DHRS7B: variants seen among roughly 807,000 people sequenced by gnomAD.
The protein encoded by DHRS7B is dehydrogenase/reductase 7B, also known as peroxisomal reductase activating PPAR-gamma.
In DHRS7B, 24 loss-of-function variants were observed where a neutral mutation model predicts 26.4. That is an observed-to-expected ratio of 0.91 (90% CI 0.66 to 1.28). The LOEUF (loss-of-function observed/expected upper bound fraction) is 1.28. Ranked by LOEUF, DHRS7B falls within the 50% of genes most tolerant of loss-of-function variation. DHRS7B has a pLI of 0.00. For missense variants in DHRS7B, 368 were observed against 419.4 expected (o/e 0.88, Z 1.07); for synonymous variants, 142 against 166.4 (o/e 0.85, Z 1.13).
intron 5 of DHRS7B, among the ~76,000 whole-genome samples, chr17:21,187,744 G>A (rs1040564006): frequency 4.0e-5 from 6 of 151,766 alleles, no homozygotes; most frequent in African/African-American, 1.5e-4. Context: ...AAGACAGGAG[G>A]ACTTTCTTTT....
chr17:21,140,538 A>ACACACCCC (rs972677956), intron 1 of DHRS7B, among the ~76,000 whole-genome samples: 8 of 134,852 alleles, frequency 5.9e-5, no homozygotes, highest in Middle Eastern at 4.0e-3. Context: ...ACACACACAC[A>ACACACCCC]CCCTGACACC....
At chr17:21,142,142 C>A (rs1451481174) in intron 1 of DHRS7B, among the ~76,000 whole-genome samples, 1 of 152,138 alleles carries the variant, frequency 6.6e-6, no homozygotes, top group Non-Finnish European at 1.5e-5. Flanking sequence ...AGGTGCTCAA[C>A]TTCTGTCCCT....
Position 21,182,818 on chromosome 17 carries a change from A to G in DHRS7B, c.310-776A>G, listed in dbSNP as rs938634977. On this transcript the variant is annotated intron_variant, in intron 3 of 6. Coordinates refer to ENST00000395511, the MANE Select transcript of DHRS7B (RefSeq NM_015510.5). The stretch of plus-strand genomic sequence containing the variant: ...CTGGTATTTTGTTGAAGATTTTTGC[A>G]TCTATATTCATAAGAGATATTGCTC... Among the ~76,000 whole-genome samples, 3 of 152,230 alleles carry G rather than the reference A, an allele frequency of 2.0e-5. No homozygotes were observed. In the East Asian group the frequency reaches 5.8e-4, roughly 29 times the overall value.
intron 3 of DHRS7B, among the ~76,000 whole-genome samples, chr17:21,179,762 C>CTTTTTTTTTTTTT (rs55928399): frequency 2.2e-5 from 3 of 137,606 alleles, no homozygotes; most frequent in African/African-American, 2.6e-5. Flanking sequence ...TTTTCACTTT[C>CTTTTTTTTTTTTT]TTTTTTTTTT....
At chr17:21,135,878 GT>G (rs1230537450) in intron 1 of DHRS7B, among the ~76,000 whole-genome samples, 10 of 152,116 alleles carry the variant, frequency 6.6e-5, no homozygotes, top group Non-Finnish European at 1.5e-4. Flanking sequence ...TTCCACAATA[GT>G]CCCTGGGCTT....
chr17:21,179,992 C>A (rs778699366), intron 3 of DHRS7B, among the ~76,000 whole-genome samples: 1 of 151,644 alleles, frequency 6.6e-6, no homozygotes, highest in Non-Finnish European at 1.5e-5. Context: ...TCTCTAACTC[C>A]CGACCTCAGG....
chr17:21,189,187 A>G lies in DHRS7B; in HGVS notation c.772+324A>G, dbSNP rs149418374. ...TAACCCATTCGCAGATCCCGAGTCC[A>G]AGGAGTATTATCGGCATCGGGATTG... is the stretch of plus-strand genomic sequence containing the variant. On this transcript the variant is annotated intron_variant, in intron 6 of 6. Coordinates refer to ENST00000395511, the MANE Select transcript of DHRS7B (RefSeq NM_015510.5). Among the ~76,000 whole-genome samples, 62 of 152,336 alleles carry G rather than the reference A, an allele frequency of 4.1e-4. 1 individual carries two copies. In the East Asian group the frequency reaches 8.9e-3, roughly 22 times the overall value.
At chr17:21,130,391 AAAATAAAT>A (rs199729898) in intron 1 of DHRS7B, among the ~76,000 whole-genome samples, 2 of 152,058 alleles carry the variant, frequency 1.3e-5, no homozygotes, top group Non-Finnish European at 2.9e-5. Context: ...TCCACCTCAA[AAAATAAAT>A]AAATAAATAA....
intron 1 of DHRS7B, among the ~76,000 whole-genome samples, chr17:21,145,878 T>C (rs1357008700): frequency 6.6e-6 from 1 of 152,220 alleles, no homozygotes; most frequent in Non-Finnish European, 1.5e-5. Context: ...TTTTTATTTA[T>C]GGTATTTTCA....
At chr17:21,127,225 C>G (rs1040938591) in intron 1 of DHRS7B, 1 of 496,868 alleles carries the variant, frequency 2.0e-6, no homozygotes, top group Non-Finnish European at 3.5e-6. Flanking sequence ...CGCCTGTCGC[C>G]GAGGTGTCTT....
chr17:21,163,301 TTTAC>T (rs1284163902), intron 1 of DHRS7B, among the ~76,000 whole-genome samples: 15 of 152,168 alleles, frequency 9.9e-5, no homozygotes, highest in Non-Finnish European at 2.2e-4. Flanking sequence ...TAGGGGGACA[TTTAC>T]TTCTGGAGTT....
At chr17:21,138,075 A>AAAAAAAATATATAT (rs1238830544) in intron 1 of DHRS7B, among the ~76,000 whole-genome samples, 35 of 33,164 alleles carry the variant, frequency 1.1e-3, no homozygotes, top group African/African-American at 4.4e-3. Context: ...TTAAAAAAAA[A>AAAAAAAATATATAT]ATATATATAT....
intron 1 of DHRS7B, among the ~76,000 whole-genome samples, chr17:21,138,316 C>T (rs191134343): frequency 4.4e-4 from 65 of 147,868 alleles, no homozygotes; most frequent in African/African-American, 1.4e-3. Flanking sequence ...CTCCGCCTCC[C>T]GGGTTCACAC....
intron 1 of DHRS7B, among the ~76,000 whole-genome samples, chr17:21,139,816 C>T (rs1299758218): frequency 6.6e-6 from 1 of 152,032 alleles, no homozygotes; most frequent in Non-Finnish European, 1.5e-5. Flanking sequence ...ACTTAAGTTA[C>T]ATGAACTTGA....
At chr17:21,180,520 C>T (rs1372108866) in intron 3 of DHRS7B, among the ~76,000 whole-genome samples, 2 of 152,172 alleles carry the variant, frequency 1.3e-5, no homozygotes, top group Non-Finnish European at 2.9e-5. Context: ...TGTCTTTCCT[C>T]ATTGAATGGG....
At chr17:21,176,068 G>C (rs1391236534) in intron 2 of DHRS7B, among the ~76,000 whole-genome samples, 1 of 151,998 alleles carries the variant, frequency 6.6e-6, no homozygotes, top group Non-Finnish European at 1.5e-5. Flanking sequence ...TGTGATCATG[G>C]CTCACTTGAC....
At chr17:21,128,022 T>G (rs1973138780) in intron 1 of DHRS7B, 1 of 152,242 alleles carries the variant, frequency 6.6e-6, no homozygotes, top group Admixed American at 6.5e-5. Context: ...ATCCCTTTAC[T>G]GAATTATTCA....
chr17:21,162,224 C>T (rs1019461647), intron 1 of DHRS7B, among the ~76,000 whole-genome samples: 2 of 151,994 alleles, frequency 1.3e-5, no homozygotes, highest in South Asian at 2.1e-4. Flanking sequence ...ATGTTTAATC[C>T]CTAGCGAATG....
Position 21,172,020 on chromosome 17 carries a change from A to G in DHRS7B, c.23A>G (p.Lys8Arg). The G allele has an allele frequency of 6.2e-7, 1 of 1,614,212 alleles. No homozygotes were observed. Among genetic ancestry groups the G allele is most frequent in the Non-Finnish European group, 8.5e-7 (1 of 1,180,036 alleles). Residue 8 changes from lysine (K) to arginine (R), a missense_variant and splice_region_variant, in exon 2 of 7, where the codon AAG (lysine) becomes AGG (arginine). Lys to Arg is a conservative substitution (Grantham distance 26). Transcript: ENST00000395511. ...GTGTTTGGTTTTGGTTCTTCCAGGAAGAGTCTGCCGAAGGTGAAGGCCATG... is the reference window on the plus strand; with the variant it reads ...GTGTTTGGTTTTGGTTCTTCCAGGAGGAGTCTGCCGAAGGTGAAGGCCATG... MVSPATR[K>R]SLPKVKAMDF...
Sources: allele counts gnomAD v4.1 joint callset (sites outside exome capture counted in the v4.1 genomes callset), GRCh38; gene constraint gnomAD v4.1.1; transcripts MANE v1.5; gene names NCBI Gene and HGNC (gene_info 2026-07-23, HGNC 2026-07-21).